ADARB2: variants seen among roughly 807,000 people sequenced by gnomAD.
ADARB2 encodes the protein adenosine deaminase RNA specific B2 (inactive).
In ADARB2, 25 loss-of-function variants were observed where a neutral mutation model predicts 62.2. The ratio of observed to expected loss-of-function variants is 0.40; its 90% confidence interval spans 0.29 to 0.56. ADARB2 has a LOEUF of 0.56. ADARB2 is among the 20% of genes least tolerant of loss of function. The pLI, the probability that ADARB2 is intolerant of heterozygous loss-of-function variation, is 0.43. For synonymous variants in ADARB2, 572 were observed against 500.8 expected, an observed-to-expected ratio of 1.14 and a Z score of -1.90; for missense variants, 1,071 against 1,077.4, an observed-to-expected ratio of 0.99 and a Z score of 0.08.
chr10:1,409,148 C>A (rs1046747497), intron 1 of ADARB2, among the ~76,000 whole-genome samples: 1 of 151,770 alleles, frequency 6.6e-6, no homozygotes, highest in African/African-American at 2.4e-5. Context: ...CCCACGGAGC[C>A]CCCGCATCCA....
intron 1 of ADARB2, among the ~76,000 whole-genome samples, chr10:1,632,459 GTGCACACACA>G (rs1460316427): frequency 6.6e-6 from 1 of 152,108 alleles, no homozygotes; most frequent in East Asian, 1.9e-4. Flanking sequence ...CACTACACAT[GTGCACACACA>G]TGCACACACA....
chr10:1,460,993 G>A (rs1443998697), intron 1 of ADARB2, among the ~76,000 whole-genome samples: 4 of 152,174 alleles, frequency 2.6e-5, no homozygotes, highest in South Asian at 4.1e-4. Context: ...GTGCAATACC[G>A]TGACAGGTTT....
At chr10:1,666,600 G>A (rs921691452) in intron 1 of ADARB2, among the ~76,000 whole-genome samples, 2 of 152,232 alleles carry the variant, frequency 1.3e-5, no homozygotes, top group Non-Finnish European at 2.9e-5. Context: ...AGCCGAGGGG[G>A]AATTCTGAAT....
chr10:1,442,198 G>A (rs374426555), intron 1 of ADARB2, among the ~76,000 whole-genome samples: 2 of 152,172 alleles, frequency 1.3e-5, no homozygotes, highest in Non-Finnish European at 2.9e-5. Context: ...CCAATAAATA[G>A]TTTCCCTTTT....
chr10:1,524,081 G>GATAA (rs1486487492), intron 1 of ADARB2, among the ~76,000 whole-genome samples: 1 of 152,104 alleles, frequency 6.6e-6, no homozygotes, highest in African/African-American at 2.4e-5. Context: ...TAGATAGATA[G>GATAA]ATAGATAGAT....
intron 3 of ADARB2, among the ~76,000 whole-genome samples, chr10:1,284,144 A>C (rs184792677): frequency 1.3e-5 from 2 of 152,122 alleles, no homozygotes; most frequent in Non-Finnish European, 2.9e-5. Flanking sequence ...ACACGATTAT[A>C]CCTGCCAGGG....
chr10:1,375,963 A>ATG (rs141441041), intron 2 of ADARB2, among the ~76,000 whole-genome samples: 27 of 150,946 alleles, frequency 1.8e-4, no homozygotes, highest in East Asian at 3.9e-4. Context: ...ACATGCACAC[A>ATG]CACACATGTG....
chr10:1,310,440 T>C (rs1390763049), intron 3 of ADARB2, among the ~76,000 whole-genome samples: 1 of 151,302 alleles, frequency 6.6e-6, no homozygotes, highest in Non-Finnish European at 1.5e-5. Flanking sequence ...CTGAATAACA[T>C]TCCTTGGATG....
chr10:1,503,868 G>A (rs947195673), intron 1 of ADARB2, among the ~76,000 whole-genome samples: 13 of 152,110 alleles, frequency 8.5e-5, no homozygotes, highest in South Asian at 4.1e-4. Flanking sequence ...ATGATTGGAA[G>A]CTTCCTGAGG....
chr10:1,727,045 G>A (rs1004590517), intron 1 of ADARB2, among the ~76,000 whole-genome samples: 1 of 152,212 alleles, frequency 6.6e-6, no homozygotes, highest in Non-Finnish European at 1.5e-5. Flanking sequence ...AAGGTGTTCA[G>A]TAAATGTTTG....
At chr10:1,372,074 A>G (rs1321612032) in intron 2 of ADARB2, among the ~76,000 whole-genome samples, 2 of 152,232 alleles carry the variant, frequency 1.3e-5, no homozygotes, top group African/African-American at 4.8e-5. Flanking sequence ...ATATCCATCA[A>G]CAGTGGATGA....
chr10:1,397,199 C>T (rs532774717), intron 1 of ADARB2, among the ~76,000 whole-genome samples: 4 of 9,200 alleles, frequency 4.3e-4, no homozygotes, highest in African/African-American at 8.2e-4. Context: ...TCTCCCCTCC[C>T]GAGTGGAGGC....
chr10:1,525,935 G>T (rs1832135240), intron 1 of ADARB2, among the ~76,000 whole-genome samples: 1 of 152,242 alleles, frequency 6.6e-6, no homozygotes, highest in East Asian at 1.9e-4. Flanking sequence ...GTCTGTGTGT[G>T]AGCACGTATG....
At chr10:1,718,370 G>A (rs560243754) in intron 1 of ADARB2, among the ~76,000 whole-genome samples, 2 of 152,330 alleles carry the variant, frequency 1.3e-5, no homozygotes, top group African/African-American at 4.8e-5. Flanking sequence ...TGCTGGTAGG[G>A]AGGCTGCTTC....
chr10:1,641,974 C>G (rs954453492), intron 1 of ADARB2, among the ~76,000 whole-genome samples: 1 of 152,058 alleles, frequency 6.6e-6, no homozygotes, highest in Non-Finnish European at 1.5e-5. Flanking sequence ...GATGGTGCCA[C>G]TGCACTCCAG....
At chr10:1,632,364 A>C (rs1262758098) in intron 1 of ADARB2, among the ~76,000 whole-genome samples, 1 of 151,990 alleles carries the variant, frequency 6.6e-6, no homozygotes, top group East Asian at 1.9e-4. Context: ...ACGTATACTC[A>C]CACAGGCTTG....
intron 3 of ADARB2, among the ~76,000 whole-genome samples, chr10:1,310,163 G>A (rs1380508276): frequency 2.0e-5 from 3 of 152,156 alleles, no homozygotes; most frequent in African/African-American, 7.2e-5. Flanking sequence ...ATTTTGGACC[G>A]AGCACTGTGC....
At chr10:1,686,499 TAAGAAAC>T (rs1158006346) in intron 1 of ADARB2, among the ~76,000 whole-genome samples, 1 of 152,206 alleles carries the variant, frequency 6.6e-6, no homozygotes, top group Admixed American at 6.5e-5. Flanking sequence ...GGTTGCGTGA[TAAGAAAC>T]AAGGCTGTGG....
At chr10:1,646,964 C>A (rs1361716458) in intron 1 of ADARB2, among the ~76,000 whole-genome samples, 1 of 152,152 alleles carries the variant, frequency 6.6e-6, no homozygotes, top group Non-Finnish European at 1.5e-5. Context: ...GTGAGGGAGG[C>A]CAGTGTAAAA....
Sources: gnomAD v4.1 joint callset for allele counts (sites outside exome capture counted in the v4.1 genomes callset) on GRCh38, gnomAD v4.1.1 for gene constraint, MANE v1.5 for transcripts, NCBI Gene and HGNC (gene_info 2026-07-23, HGNC 2026-07-21) for gene names.